The following FRMD4A variants were observed in gnomAD, a reference collection of about 807,000 sequenced individuals.
FRMD4A encodes FERM domain containing 4A, also known as FERM domain-containing protein 4A.
In FRMD4A, 29 loss-of-function variants were observed where a neutral mutation model predicts 129.1. The ratio of observed to expected loss-of-function variants is 0.22; its 90% CI spans 0.17 to 0.31. The LOEUF (loss-of-function observed/expected upper bound fraction) is 0.31, where lower values mean the gene tolerates loss of function less well. FRMD4A is among the 10% of genes least tolerant of loss of function. The pLI is 1.00. For missense variants in FRMD4A, 1,272 were observed against 1,375.8 expected, an observed-to-expected ratio of 0.92 and a Z score of 1.19; for synonymous variants, 634 against 571.6, an observed-to-expected ratio of 1.11 and a Z score of -1.56.
At chr10:14,108,895 C>A (rs886233439) in intron 2 of FRMD4A, among the ~76,000 whole-genome samples, 26 of 152,272 alleles carry the variant, frequency 1.7e-4, no homozygotes, top group African/African-American at 6.0e-4. Flanking sequence ...TGGACTCCTA[C>A]AATCTCAAAG....
At chr10:14,018,290 A>C (rs185377216) in intron 2 of FRMD4A, among the ~76,000 whole-genome samples, 3,066 of 148,742 alleles carry the variant, frequency 0.021, 108 homozygotes, top group African/African-American at 0.073. Flanking sequence ...TACTAAAAAT[A>C]CAAAAAAAAA....
intron 2 of FRMD4A, among the ~76,000 whole-genome samples, chr10:13,931,534 C>A (rs1054036662): frequency 6.6e-6 from 1 of 152,128 alleles, no homozygotes; most frequent in African/African-American, 2.4e-5. Context: ...TTCCTGACTC[C>A]CAGGGCTAGG....
intron 2 of FRMD4A, among the ~76,000 whole-genome samples, chr10:14,320,874 C>A (rs996488514): frequency 6.6e-6 from 1 of 152,164 alleles, no homozygotes; most frequent in African/African-American, 2.4e-5. Context: ...GGTTGGAATG[C>A]CCCATCCATG....
intron 15 of FRMD4A, chr10:13,685,362 G>A (rs1399264746): frequency 3.0e-6 from 3 of 984,454 alleles, no homozygotes; most frequent in Non-Finnish European, 3.6e-6. Flanking sequence ...AACAGAGAGA[G>A]AGGAGAATGG....
intron 2 of FRMD4A, among the ~76,000 whole-genome samples, chr10:14,005,091 T>C (rs1051296678): frequency 6.6e-6 from 1 of 152,000 alleles, no homozygotes; most frequent in South Asian, 2.1e-4. Context: ...GGCTCCATCT[T>C]GGCTCACAGC....
intron 2 of FRMD4A, among the ~76,000 whole-genome samples, chr10:13,885,485 C>T (rs887133383): frequency 2.6e-5 from 4 of 152,196 alleles, no homozygotes; most frequent in African/African-American, 9.6e-5. Context: ...CTTGGCGCAG[C>T]AGCTGAGACC....
rs189423161 is a variant in FRMD4A, at chr10:14,161,315, C to T, written c.45+168743G>A. On this transcript the variant is annotated intron_variant, in intron 2 of 24. Transcript: ENST00000357447. ...CCATACAATCCAACAATTCCACTAT[C>T]GGGTATTTATCCAAAGGAAAGGAAA... Among the ~76,000 whole-genome samples, 235 of 152,234 alleles carry T rather than the reference C, an allele frequency of 1.5e-3. 1 individual carries two copies. The highest frequency in any genetic ancestry group is 3.4e-3 in the Middle Eastern group (1 of 294).
intron 6 of FRMD4A, among the ~76,000 whole-genome samples, chr10:13,767,901 T>C (rs973767657): frequency 1.3e-5 from 2 of 152,128 alleles, no homozygotes; most frequent in Non-Finnish European, 2.9e-5. Context: ...AATAATTACT[T>C]TGAGACTCTA....
At chr10:13,939,774 G>C (rs1488591050) in intron 2 of FRMD4A, among the ~76,000 whole-genome samples, 1 of 152,178 alleles carries the variant, frequency 6.6e-6, no homozygotes, top group Non-Finnish European at 1.5e-5. Context: ...CAACAGGGCT[G>C]CCACAAGGGA....
chr10:14,227,488 G>A (rs1000860449), intron 2 of FRMD4A, among the ~76,000 whole-genome samples: 7 of 151,828 alleles, frequency 4.6e-5, no homozygotes, highest in African/African-American at 1.7e-4. Context: ...CTGACCTCAA[G>A]TGATCCACCC....
intron 2 of FRMD4A, among the ~76,000 whole-genome samples, chr10:14,265,850 G>T (rs1844958556): frequency 6.6e-6 from 1 of 152,128 alleles, no homozygotes; most frequent in Non-Finnish European, 1.5e-5. Flanking sequence ...GGAAGGGAGA[G>T]GGAACCATTT....
rs557532341 is a variant in FRMD4A at position 13,843,412 on chromosome 10, T to C, written c.111+15435A>G. Among the ~76,000 whole-genome samples, 9 of 152,226 alleles carry C rather than the reference T, an allele frequency of 5.9e-5. No homozygotes were observed. The East Asian group carries it at 1.7e-3, about 29-fold the overall frequency. ...AATATGGACCAGCTGTGGTCTGGGG[T>C]GGAGTCCGGAATCGAGGAGTGGGGA... On this transcript the variant is annotated intron_variant, in intron 3 of 24. Transcript: ENST00000357447.
intron 2 of FRMD4A, among the ~76,000 whole-genome samples, chr10:13,889,457 G>A (rs898785766): frequency 7.9e-5 from 12 of 152,172 alleles, no homozygotes; most frequent in African/African-American, 2.9e-4. Context: ...TGTTCTCATG[G>A]ATTATGAAAT....
At chr10:14,308,512 G>GA (rs757982853) in intron 2 of FRMD4A, among the ~76,000 whole-genome samples, 1 of 152,058 alleles carries the variant, frequency 6.6e-6, no homozygotes, top group Non-Finnish European at 1.5e-5. Flanking sequence ...CAGATTGAGG[G>GA]AAAAATACAA....
At chr10:13,682,485 T>TTTTC (rs200655416) in intron 15 of FRMD4A, among the ~76,000 whole-genome samples, 43 of 138,182 alleles carry the variant, frequency 3.1e-4, no homozygotes, top group African/African-American at 1.1e-3. Flanking sequence ...ATCATTCCCA[T>TTTTC]TTTCTTTCTT....
At chr10:13,799,899 G>T (rs1564823859) in intron 4 of FRMD4A, among the ~76,000 whole-genome samples, 3 of 152,070 alleles carry the variant, frequency 2.0e-5, no homozygotes, top group Non-Finnish European at 4.4e-5. Flanking sequence ...TATGACCTAG[G>T]CTGGGTGAGG....
rs2086126831 is a variant in FRMD4A, at chr10:13,695,426, C to CTGGGAT, written c.976-1388_976-1387insATCCCA. Reference sequence around the variant, plus strand: ...AAAGTGCTGGGATTACAGGCGTGAGCCACCGCGCCTGGCTAAAGCAGTGGT... The same window carrying CTGGGAT: ...AAAGTGCTGGGATTACAGGCGTGAGCTGGGATCACCGCGCCTGGCTAAAGCAGTGGT... On this transcript the variant is annotated intron_variant, in intron 14 of 24. Transcript: ENST00000357447. Among the ~76,000 whole-genome samples, 19 of 152,330 alleles carry CTGGGAT rather than the reference C, an allele frequency of 1.2e-4. No homozygotes were observed. The South Asian group carries it at 3.9e-3, about 32-fold the overall frequency.
intron 2 of FRMD4A, among the ~76,000 whole-genome samples, chr10:14,218,891 G>T (rs1013364750): frequency 3.4e-5 from 5 of 147,862 alleles, no homozygotes; most frequent in African/African-American, 1.0e-4. Flanking sequence ...GGAGCCAGAG[G>T]TTGCAGTGAG....
intron 2 of FRMD4A, among the ~76,000 whole-genome samples, chr10:14,183,775 A>T (rs1048045722): frequency 1.5e-4 from 23 of 152,208 alleles, no homozygotes; most frequent in Admixed American, 2.6e-4. Context: ...AGAGACACTC[A>T]TGCCTGAGGT....
Sources: allele counts gnomAD v4.1 joint callset (sites outside exome capture counted in the v4.1 genomes callset), GRCh38; gene constraint gnomAD v4.1.1; transcripts MANE v1.5; gene names NCBI Gene and HGNC (gene_info 2026-07-23, HGNC 2026-07-21).